The following AHNAK variants were observed in gnomAD, a reference collection of about 807,000 sequenced individuals.
AHNAK encodes the protein AHNAK nucleoprotein.
AHNAK carries 23 observed loss-of-function variants against 37.8 expected under a neutral mutation model. That is an observed-to-expected ratio of 0.61 (90% CI 0.44 to 0.86). AHNAK has a LOEUF of 0.86. Ranked by LOEUF, AHNAK falls within the 40% of genes least tolerant of loss-of-function variation. AHNAK has a pLI of 0.00. For synonymous variants in AHNAK, 2,481 were observed against 2,636.3 expected (o/e 0.94, Z 1.80); for missense variants, 7,411 against 7,319.4 (o/e 1.01, Z -0.46).
chr11:62,521,420 C>G lies in AHNAK; in HGVS notation c.12997G>C (p.Gly4333Arg), dbSNP rs758619243. The change falls in exon 5 of 5, where the codon GGC becomes CGC. Residue 4333 changes from glycine to arginine, a missense_variant. Gly to Arg is a moderately radical substitution (Grantham distance 125, BLOSUM62 -2). Coordinates refer to ENST00000378024, the MANE Select transcript of AHNAK (RefSeq NM_001620.3). ...KFSMPGFKGE[G>R]PDVDVTLPKA... ...GGAAGGGTAACATCCACATCTGGGC[C>G]CTCTCCTTTGAATCCTGGCATGCTG... The G allele has an allele frequency of 6.2e-7, 1 of 1,613,812 alleles. No homozygotes were observed. The highest frequency in any genetic ancestry group is 8.5e-7 in the Non-Finnish European group (1 of 1,179,996).
chr11:62,508,696 G>T (rs1939853867), intron 4 of AHNAK, among the ~76,000 whole-genome samples: 2 of 152,268 alleles, frequency 1.3e-5, no homozygotes, highest in Non-Finnish European at 2.9e-5. Context: ...GCCTTAGGAA[G>T]CACCAGCGGC....
At chr11:62,468,395 ATT>A (rs1938960977) in intron 5 of AHNAK, among the ~76,000 whole-genome samples, 1 of 151,662 alleles carries the variant, frequency 6.6e-6, no homozygotes, top group Admixed American at 6.6e-5. Flanking sequence ...TGGGGATTTT[ATT>A]CACAGAGACA....
Position 62,525,439 on chromosome 11 carries a change from T to C in AHNAK, c.8978A>G (p.Lys2993Arg). 6.2e-7 allele frequency: 1 copy of C among 1,613,636 alleles called. No individual in the cohort carries two copies. Among genetic ancestry groups the C allele is most frequent in the Non-Finnish European group, 8.5e-7 (1 of 1,179,904 alleles). ...ISLPKVEGDL[K>R]GPEVDIRGPQ... Reference sequence around the variant, plus strand: ...ACCCCTGATGTCAACTTCAGGGCCCTTGAGGTCACCTTCCACTTTGGGCAG... The same window carrying C: ...ACCCCTGATGTCAACTTCAGGGCCCCTGAGGTCACCTTCCACTTTGGGCAG... Residue 2993 changes from lysine to arginine, a missense_variant, in exon 5 of 5, where the codon AAG (lysine) becomes AGG (arginine). Lys to Arg is a conservative substitution (Grantham distance 26). Coordinates refer to ENST00000378024, the MANE Select transcript of AHNAK (RefSeq NM_001620.3).
chr11:62,505,828 G>C (rs913322173), intron 4 of AHNAK, among the ~76,000 whole-genome samples: 1 of 149,368 alleles, frequency 6.7e-6, no homozygotes, highest in African/African-American at 2.5e-5. Context: ...TCTTTCTCTC[G>C]TTTCCCCCCT....
At chr11:62,484,985 C>T (rs1217684226) in intron 5 of AHNAK, among the ~76,000 whole-genome samples, 1 of 152,126 alleles carries the variant, frequency 6.6e-6, no homozygotes, top group Admixed American at 6.6e-5. Flanking sequence ...GACGGGGTTT[C>T]TCCATGTTGG....
At chr11:62,453,408 T>G (rs564011290) in intron 5 of AHNAK, among the ~76,000 whole-genome samples, 13 of 152,176 alleles carry the variant, frequency 8.5e-5, no homozygotes, top group Admixed American at 5.2e-4. Context: ...GTAACAATAA[T>G]AAGAATAATA....
At position 62,524,166 on chromosome 11, in the gene AHNAK, C is replaced by T. The variant is rs770659644; in HGVS notation, c.10251G>A (p.Met3417Ile). Reference sequence around the variant, plus strand: ...TTTTCAAATTTAGCTCCACGTCAGGCATAGAAACTTTGGGAGATGAAATAC... The same window carrying T: ...TTTTCAAATTTAGCTCCACGTCAGGTATAGAAACTTTGGGAGATGAAATAC... Reference protein sequence around the residue: ...FLSISSPKVSMPDVELNLKSP... With the variant: ...FLSISSPKVSIPDVELNLKSP... Residue 3417 changes from methionine (M) to isoleucine (I), a missense_variant, in exon 5 of 5, where the codon ATG becomes ATA. By Grantham distance (10) the Met-to-Ile change is conservative (BLOSUM62 1). Coordinates refer to ENST00000378024, the MANE Select transcript of AHNAK (RefSeq NM_001620.3). 6.2e-7 allele frequency: 1 copy of T among 1,613,988 alleles called. No individual in the cohort carries two copies. The highest frequency in any genetic ancestry group is 1.3e-5 in the African/African-American group (1 of 74,900).
intron 5 of AHNAK, among the ~76,000 whole-genome samples, chr11:62,476,041 G>A (rs1033504396): frequency 5.9e-5 from 9 of 152,148 alleles, no homozygotes; most frequent in Non-Finnish European, 7.3e-5. Context: ...TCTTATTCAA[G>A]TTCAAAATGG....
At chr11:62,469,657 G>A (rs1377824445) in intron 5 of AHNAK, among the ~76,000 whole-genome samples, 2 of 151,554 alleles carry the variant, frequency 1.3e-5, no homozygotes, top group East Asian at 3.9e-4. Context: ...TAGTAGAGAT[G>A]GGGTTTCACT....
chr11:62,518,408 T>G lies in AHNAK; in HGVS notation c.16009A>C (p.Lys5337Gln). The G allele has an allele frequency of 6.2e-7, 1 of 1,614,138 alleles. No homozygotes were observed. Among genetic ancestry groups the G allele is most frequent in the Non-Finnish European group, 8.5e-7 (1 of 1,180,010 alleles). Residue 5337 changes from lysine to glutamine, a missense_variant, in exon 5 of 5, where the codon AAA becomes CAA. Physicochemically the swap from Lys to Gln is moderately conservative, Grantham distance 53. Transcript: ENST00000378024. ...ACACCGTCTCCTCCCACCTGCATTT[T>G]GCCACCGACACCACTGAGGTTGAGC... ...PGLNLSGVGG[K>Q]MQVGGDGVKV... is the part of the protein sequence containing the mutation.
rs1311811198 is a variant in AHNAK, at chr11:62,524,567, G to T, written c.9850C>A (p.Pro3284Thr). ...TTGGGCATGTTTACATGCATGTCAG[G>T]CATCTTCAGTTTTGGACCTTTTAAT... is the stretch of plus-strand genomic sequence containing the variant. ...AKLKGPKLKM[P>T]DMHVNMPKIS... The change falls in exon 5 of 5, where the codon CCT (proline) becomes ACT (threonine). Residue 3284 changes from proline to threonine, a missense_variant. Coordinates refer to ENST00000378024, the MANE Select transcript of AHNAK (RefSeq NM_001620.3). The T allele has an allele frequency of 3.7e-6, 6 of 1,613,818 alleles. No individual in the cohort carries two copies. The highest frequency in any genetic ancestry group is 5.1e-6 in the Non-Finnish European group (6 of 1,179,944).
At position 62,522,286 on chromosome 11, in the gene AHNAK, A is replaced by T. The variant is rs146046908; in HGVS notation, c.12131T>A (p.Ile4044Asn). 27 of 1,613,028 alleles carry T rather than the reference A, an allele frequency of 1.7e-5. No individual in the cohort carries two copies. The highest frequency in any genetic ancestry group is 2.1e-5 in the Non-Finnish European group (25 of 1,179,838). Residue 4044 changes from isoleucine (I) to asparagine (N), a missense_variant, in exon 5 of 5, where the codon ATT (isoleucine) becomes AAT (asparagine). Ile to Asn is a moderately radical substitution (Grantham distance 149). Coordinates refer to ENST00000378024, the MANE Select transcript of AHNAK (RefSeq NM_001620.3). ...ATGAACATCCACATCTGGGGCATCAATGTCCACTTTGGGGCCCTTGATGTC... is the reference window on the plus strand; with the variant it reads ...ATGAACATCCACATCTGGGGCATCATTGTCCACTTTGGGGCCCTTGATGTC... ...EVDIKGPKVD[I>N]DAPDVDVHGP... is the part of the protein sequence containing the mutation.
chr11:62,472,002 A>T (rs1046392955), intron 5 of AHNAK, among the ~76,000 whole-genome samples: 1 of 152,062 alleles, frequency 6.6e-6, no homozygotes, highest in African/African-American at 2.4e-5. Context: ...GGTCTGGGTC[A>T]TCTCCCCTTG....
At chr11:62,461,680 C>G (rs1394252489) in intron 5 of AHNAK, among the ~76,000 whole-genome samples, 1 of 152,080 alleles carries the variant, frequency 6.6e-6, no homozygotes, top group East Asian at 1.9e-4. Context: ...TGAAGAGTAG[C>G]TGTGTATGGT....
chr11:62,480,944 C>T (rs1289256193), intron 5 of AHNAK, among the ~76,000 whole-genome samples: 2 of 152,014 alleles, frequency 1.3e-5, no homozygotes, highest in Non-Finnish European at 2.9e-5. Flanking sequence ...ATAATGTCCT[C>T]GACCTTCCCC....
At chr11:62,544,939 C>A (rs558067470) in intron 1 of AHNAK, among the ~76,000 whole-genome samples, 1 of 152,144 alleles carries the variant, frequency 6.6e-6, no homozygotes, top group African/African-American at 2.4e-5. Flanking sequence ...TGTGCTGGGA[C>A]GGGCAAGCAG....
At chr11:62,465,830 T>C (rs1180897692) in intron 5 of AHNAK, among the ~76,000 whole-genome samples, 1 of 152,048 alleles carries the variant, frequency 6.6e-6, no homozygotes, top group African/African-American at 2.4e-5. Context: ...CACCAGCAGC[T>C]AGAAAGAGGC....
At chr11:62,543,138 CCTTGCTTAGCCTGCTCAGCTGG>C (rs915349522) in intron 1 of AHNAK, among the ~76,000 whole-genome samples, 16 of 152,204 alleles carry the variant, frequency 1.1e-4, no homozygotes, top group Non-Finnish European at 2.4e-4. Flanking sequence ...GTGTGCAGTG[CCTTGCTTAGCCTGCTCAGCTGG>C]GGCCTGCACC....
rs1389211895 is a variant in AHNAK, at chr11:62,517,760, G to A, written c.16657C>T (p.Pro5553Ser). ...AAGTTGATGCCAAAATCTGACTCAG[G>A]AGATGCCATATTAAAGGCAGGCCCC... ...VKGPAFNMAS[P>S]ESDFGINLKG... The change falls in exon 5 of 5, where the codon CCT (proline) becomes TCT (serine). Residue 5553 changes from proline (P) to serine (S), a missense_variant. Transcript: ENST00000378024. 2.5e-6 allele frequency: 4 copies of A among 1,614,188 alleles called. No homozygotes were observed. Among genetic ancestry groups the A allele is most frequent in the Non-Finnish European group, 3.4e-6 (4 of 1,180,040 alleles).
Sources: gnomAD v4.1 joint callset for allele counts (sites outside exome capture counted in the v4.1 genomes callset) on GRCh38, gnomAD v4.1.1 for gene constraint, MANE v1.5 for transcripts, NCBI Gene and HGNC (gene_info 2026-07-23, HGNC 2026-07-21) for gene names.